PTPRO: variants seen among roughly 807,000 people sequenced by gnomAD.
The protein encoded by PTPRO is protein tyrosine phosphatase receptor type O, also known as receptor-type tyrosine-protein phosphatase O.
Under a neutral mutation model 145.2 loss-of-function variants are expected in PTPRO, and 62 were observed. The observed-to-expected ratio is 0.43, with a 90% CI of 0.35 to 0.53. The LOEUF (loss-of-function observed/expected upper bound fraction) is 0.53, where lower values mean the gene tolerates loss of function less well. Ranked by LOEUF, PTPRO falls within the 20% of genes least tolerant of loss-of-function variation. The pLI is 0.01. For synonymous variants in PTPRO, 565 were observed against 514.7 expected (o/e 1.10, Z -1.32); for missense variants, 1,345 against 1,482.7 (o/e 0.91, Z 1.53).
At chr12:15,324,182 A>AT (rs1031500353) in intron 1 of PTPRO, among the ~76,000 whole-genome samples, 87 of 152,296 alleles carry the variant, frequency 5.7e-4, no homozygotes, top group African/African-American at 2.0e-3. Context: ...TGTCACAACT[A>AT]TTTTACCTAT....
At chr12:15,334,084 A>G (rs1866687805) in intron 1 of PTPRO, among the ~76,000 whole-genome samples, 1 of 152,220 alleles carries the variant, frequency 6.6e-6, no homozygotes, top group African/African-American at 2.4e-5. Context: ...TCATATAACC[A>G]GATTGTCTCT....
At chr12:15,389,458 G>T (rs966909733) in intron 1 of PTPRO, among the ~76,000 whole-genome samples, 1 of 152,050 alleles carries the variant, frequency 6.6e-6, no homozygotes, top group Admixed American at 6.5e-5. Context: ...AGAGTGAATA[G>T]TACACTGAAT....
intron 1 of PTPRO, among the ~76,000 whole-genome samples, chr12:15,457,773 GAT>G (rs1450223362): frequency 6.6e-6 from 1 of 151,960 alleles, no homozygotes; most frequent in East Asian, 1.9e-4. Context: ...TTATATTATT[GAT>G]GTCACAATTC....
At chr12:15,494,755 G>A (rs895310744) in intron 2 of PTPRO, among the ~76,000 whole-genome samples, 6 of 152,182 alleles carry the variant, frequency 3.9e-5, no homozygotes, top group South Asian at 2.1e-4. Context: ...AAGTTTGACC[G>A]TGGCTTTGAT....
chr12:15,472,944 T>C (rs1941574606), intron 1 of PTPRO, among the ~76,000 whole-genome samples: 1 of 152,120 alleles, frequency 6.6e-6, no homozygotes, highest in Non-Finnish European at 1.5e-5. Context: ...TTATAAAACT[T>C]CAGAGGAACC....
intron 12 of PTPRO, among the ~76,000 whole-genome samples, chr12:15,539,865 AG>A (rs1565694431): frequency 2.0e-5 from 3 of 149,996 alleles, no homozygotes; most frequent in African/African-American, 7.3e-5. Context: ...TTTTATATAT[AG>A]GAAAAAGGCC....
At chr12:15,342,353 A>T (rs1867023915) in intron 1 of PTPRO, among the ~76,000 whole-genome samples, 1 of 151,948 alleles carries the variant, frequency 6.6e-6, no homozygotes, top group East Asian at 1.9e-4. Flanking sequence ...CCAGCATTCT[A>T]TTTGTACAGT....
At chr12:15,556,463 AG>A (rs987649878) in intron 15 of PTPRO, among the ~76,000 whole-genome samples, 46 of 152,248 alleles carry the variant, frequency 3.0e-4, no homozygotes, top group African/African-American at 1.1e-3. Context: ...ATTAGCCAAA[AG>A]ATAGAGAAGG....
At chr12:15,511,552 TTTTGTTTG>T (rs780078127) in intron 7 of PTPRO, among the ~76,000 whole-genome samples, 2 of 152,172 alleles carry the variant, frequency 1.3e-5, no homozygotes, top group African/African-American at 2.4e-5. Flanking sequence ...AATGGCATAT[TTTTGTTTG>T]TTTGTTTGTT....
At chr12:15,539,247 AT>A (rs1218038055) in intron 12 of PTPRO, among the ~76,000 whole-genome samples, 2 of 152,144 alleles carry the variant, frequency 1.3e-5, no homozygotes, top group Non-Finnish European at 2.9e-5. Flanking sequence ...GAAAGACCTG[AT>A]TTCACCACTA....
chr12:15,536,363 G>A (rs1409077911), intron 12 of PTPRO, among the ~76,000 whole-genome samples: 1 of 152,152 alleles, frequency 6.6e-6, no homozygotes, highest in Non-Finnish European at 1.5e-5. Context: ...AGATGAGGGA[G>A]TAAACCAAAG....
chr12:15,338,685 T>C (rs1263031424), intron 1 of PTPRO, among the ~76,000 whole-genome samples: 2 of 152,190 alleles, frequency 1.3e-5, no homozygotes, highest in Non-Finnish European at 2.9e-5. Flanking sequence ...ATTGATAAAG[T>C]AATATTCTTC....
intron 19 of PTPRO, among the ~76,000 whole-genome samples, chr12:15,573,044 T>C (rs1944095219): frequency 6.6e-6 from 1 of 152,194 alleles, no homozygotes; most frequent in Admixed American, 6.5e-5. Context: ...CCATGTGTAT[T>C]AGTCATGGGT....
At chr12:15,384,163 G>A (rs372631552) in intron 1 of PTPRO, among the ~76,000 whole-genome samples, 1 of 152,106 alleles carries the variant, frequency 6.6e-6, no homozygotes, top group African/African-American at 2.4e-5. Context: ...TTTTCTTTGG[G>A]ATCCTCTTGG....
At chr12:15,401,681 C>T (rs1326308205) in intron 1 of PTPRO, among the ~76,000 whole-genome samples, 3 of 152,284 alleles carry the variant, frequency 2.0e-5, no homozygotes, top group Non-Finnish European at 2.9e-5. Flanking sequence ...ATATGAACTA[C>T]ACCATATTTC....
chr12:15,366,331 G>A (rs1938359341), intron 1 of PTPRO, among the ~76,000 whole-genome samples: 1 of 149,554 alleles, frequency 6.7e-6, no homozygotes, highest in Admixed American at 6.6e-5. Context: ...TAAGTTACCA[G>A]TGGTATATGG....
chr12:15,594,071 T>A (rs1273018084), intron 25 of PTPRO, among the ~76,000 whole-genome samples: 2 of 152,174 alleles, frequency 1.3e-5, no homozygotes, highest in Non-Finnish European at 2.9e-5. Context: ...TTTGAATGAC[T>A]TTATCACAAA....
At chr12:15,575,730 T>C (rs1476183336) in intron 19 of PTPRO, among the ~76,000 whole-genome samples, 2 of 152,190 alleles carry the variant, frequency 1.3e-5, no homozygotes, top group African/African-American at 2.4e-5. Context: ...ATTCTCACAA[T>C]TGCAGAGCCA....
At chr12:15,441,008 C>A (rs1940750328) in intron 1 of PTPRO, among the ~76,000 whole-genome samples, 1 of 152,158 alleles carries the variant, frequency 6.6e-6, no homozygotes, top group Non-Finnish European at 1.5e-5. Flanking sequence ...ACTTGACCAA[C>A]TAGACCTAAT....
Sources: gnomAD v4.1 joint callset for allele counts (sites outside exome capture counted in the v4.1 genomes callset) on GRCh38, gnomAD v4.1.1 for gene constraint, MANE v1.5 for transcripts, NCBI Gene and HGNC (gene_info 2026-07-23, HGNC 2026-07-21) for gene names.